Variants in PBX1 observed in about 807,000 individuals in gnomAD.
PBX1 encodes the protein PBX homeobox 1, also known as pre-B-cell leukemia transcription factor 1.
In PBX1, 6 loss-of-function variants were observed where a neutral mutation model predicts 53.4. The observed-to-expected ratio is 0.11, with a 90% CI of 0.06 to 0.22. The LOEUF is 0.22. Among genes scored for constraint, PBX1 ranks in the 10% least tolerant of loss-of-function variants. PBX1 has a pLI of 1.00. For synonymous variants in PBX1, 204 were observed against 212.3 expected (o/e 0.96, Z 0.34); for missense variants, 251 against 551.4 (o/e 0.46, Z 5.46).
chr1:164,862,629 C>A (rs1672127171), intron 2 of PBX1, among the ~76,000 whole-genome samples: 1 of 152,180 alleles, frequency 6.6e-6, no homozygotes. Flanking sequence ...GCCAAACCAC[C>A]ATGGGCTGGA....
chr1:164,859,561 T>C (rs958361634), intron 2 of PBX1, among the ~76,000 whole-genome samples: 1 of 152,220 alleles, frequency 6.6e-6, no homozygotes, highest in Non-Finnish European at 1.5e-5. Flanking sequence ...TTTGGGACTT[T>C]CTATGCATTG....
At chr1:164,823,322 A>G (rs1276481848) in intron 8 of PBX1, among the ~76,000 whole-genome samples, 1 of 152,128 alleles carries the variant, frequency 6.6e-6, no homozygotes, top group Non-Finnish European at 1.5e-5. Flanking sequence ...AAATGAATGA[A>G]GTTGTTTGGA....
At chr1:164,614,269 T>C (rs1288438324) in intron 2 of PBX1, among the ~76,000 whole-genome samples, 1 of 152,166 alleles carries the variant, frequency 6.6e-6, no homozygotes, top group Admixed American at 6.5e-5. Flanking sequence ...AGGAGAGTGA[T>C]GCAAAGTGTG....
intron 2 of PBX1, among the ~76,000 whole-genome samples, chr1:164,863,072 C>A (rs1252262291): frequency 6.6e-6 from 1 of 152,160 alleles, no homozygotes; most frequent in Non-Finnish European, 1.5e-5. Flanking sequence ...ACAAGAGCAT[C>A]ATTTGCTGAG....
chr1:164,600,858 C>T (rs889159333), intron 2 of PBX1, among the ~76,000 whole-genome samples: 2 of 152,202 alleles, frequency 1.3e-5, no homozygotes, highest in Non-Finnish European at 2.9e-5. Flanking sequence ...AAACAACTCA[C>T]TTCTAATGGG....
chr1:164,651,288 C>T (rs12025657), intron 2 of PBX1, among the ~76,000 whole-genome samples: 11,130 of 151,882 alleles, frequency 0.073, 502 homozygotes, highest in South Asian at 0.14. Flanking sequence ...TGTGCAGAGG[C>T]GGGGGCATTG....
intron 2 of PBX1, among the ~76,000 whole-genome samples, chr1:164,696,412 A>G (rs1662802010): frequency 6.6e-6 from 1 of 152,190 alleles, no homozygotes; most frequent in Non-Finnish European, 1.5e-5. Context: ...CAGTACAATG[A>G]AAACTGTTAG....
intron 2 of PBX1, among the ~76,000 whole-genome samples, chr1:164,782,164 A>G (rs368941310): frequency 1.3e-4 from 20 of 152,116 alleles, no homozygotes; most frequent in African/African-American, 4.6e-4. Context: ...CTTTCCCTAG[A>G]GTGGCTTCCA....
chr1:164,624,317 A>G (rs1657894237), intron 2 of PBX1, among the ~76,000 whole-genome samples: 1 of 152,256 alleles, frequency 6.6e-6, no homozygotes, highest in African/African-American at 2.4e-5. Flanking sequence ...TAAACCAACA[A>G]TCAAGACCAT....
chr1:164,776,899 TTGTGTG>T (rs368787176), intron 2 of PBX1, among the ~76,000 whole-genome samples: 8,054 of 96,886 alleles, frequency 0.083, 464 homozygotes, highest in Non-Finnish European at 0.093. Context: ...GGTTTTACAT[TTGTGTG>T]TGTGTGTGTG....
chr1:164,585,757 G>A (rs909583708), intron 2 of PBX1, among the ~76,000 whole-genome samples: 4 of 152,140 alleles, frequency 2.6e-5, no homozygotes, highest in African/African-American at 9.7e-5. Flanking sequence ...GGGCATCTTG[G>A]CAGCTAATAA....
Position 164,846,842 on chromosome 1 carries a change from A to G in PBX1, c.*166A>G. On this transcript the variant is annotated 3_prime_UTR_variant, in exon 9 of 9. Coordinates refer to ENST00000420696, the MANE Select transcript of PBX1 (RefSeq NM_002585.4). ...CTTCTTTGGGATGCTATTTCAGCCA[A>G]TCTGGACACTTCTTTATACTCTCTT... The G allele has an allele frequency of 1.4e-6, 2 of 1,459,320 alleles. No homozygotes were observed. The highest frequency in any genetic ancestry group is 1.8e-6 in the Non-Finnish European group (2 of 1,108,662). 90.4% of individuals were successfully genotyped at this position (1,459,320 alleles called of 1,614,324 possible).
chr1:164,787,018 A>G (rs1054291299), intron 2 of PBX1, among the ~76,000 whole-genome samples: 1 of 152,192 alleles, frequency 6.6e-6, no homozygotes, highest in Non-Finnish European at 1.5e-5. Context: ...TGATGCTCTC[A>G]GGAAGCAAGC....
chr1:164,851,276 C>T lies in PBX1; in HGVS notation c.*4600C>T, dbSNP rs1671828432. On this transcript the variant is annotated 3_prime_UTR_variant, in exon 9 of 9. Transcript: ENST00000420696. The stretch of plus-strand genomic sequence containing the variant: ...ATACCATCATTCAACAAATTATGTT[C>T]AGAAAGTGGTCAGAACTTAAGCAAG... 1 of 205,860 alleles carries T rather than the reference C, an allele frequency of 4.9e-6. No individual in the cohort carries two copies. Among genetic ancestry groups the T allele is most frequent in the African/African-American group, 2.3e-5 (1 of 43,824 alleles). 12.8% of individuals were successfully genotyped at this position (205,860 alleles called of 1,614,324 possible). A position where few individuals can be genotyped will look rare whatever the true frequency, so the allele number is the denominator to read the frequency against.
At chr1:164,719,099 C>T (rs1237668523) in intron 2 of PBX1, among the ~76,000 whole-genome samples, 1 of 152,106 alleles carries the variant, frequency 6.6e-6, no homozygotes. Flanking sequence ...ATAAACTGAA[C>T]AAGCTAGGGG....
intron 2 of PBX1, among the ~76,000 whole-genome samples, chr1:164,634,692 C>A (rs1658629908): frequency 6.6e-6 from 1 of 152,180 alleles, no homozygotes; most frequent in Admixed American, 6.5e-5. Flanking sequence ...CACAAACTTT[C>A]TTTTTACCCA....
chr1:164,748,117 A>G, intron 2 of PBX1, among the ~76,000 whole-genome samples: 1 of 152,184 alleles, frequency 6.6e-6, no homozygotes, highest in East Asian at 1.9e-4. Context: ...TAATTATACA[A>G]GCAGACTAGC....
At chr1:164,861,924 A>C (rs935103850) in intron 2 of PBX1, among the ~76,000 whole-genome samples, 1 of 152,224 alleles carries the variant, frequency 6.6e-6, no homozygotes, top group African/African-American at 2.4e-5. Context: ...AGACTGTCAG[A>C]TGATGCAGTC....
At chr1:164,732,845 A>G (rs377583625) in intron 2 of PBX1, among the ~76,000 whole-genome samples, 22 of 152,050 alleles carry the variant, frequency 1.4e-4, no homozygotes, top group African/African-American at 5.1e-4. Context: ...TCTTAGCTAT[A>G]TACAGTCTTT....
Sources: allele counts gnomAD v4.1 joint callset (sites outside exome capture counted in the v4.1 genomes callset), GRCh38; gene constraint gnomAD v4.1.1; transcripts MANE v1.5; gene names NCBI Gene and HGNC (gene_info 2026-07-23, HGNC 2026-07-21).